GPR146: variants seen among roughly 807,000 people sequenced by gnomAD.
GPR146 encodes the protein G protein-coupled receptor 146, also known as G-protein coupled receptor 146.
For synonymous variants in GPR146, 203 were observed against 104.3 expected, an observed-to-expected ratio of 1.95 and a Z score of -5.77; for missense variants, 381 against 213.9, an observed-to-expected ratio of 1.78 and a Z score of -4.87.
rs76903021 is a variant in GPR146 at position 1,049,024 on chromosome 7, C to T, written c.-25+4366C>T. Among the ~76,000 whole-genome samples, 1,360 of 152,158 alleles carry T rather than the reference C, an allele frequency of 8.9e-3. 19 individuals carry two copies. The highest frequency in any genetic ancestry group is 0.031 in the African/African-American group (1,275 of 41,502). ...GCAAAGCCTCTGCAGTCTGAGCGTGCGCTCCCCAGGCCTCCGCTGTCTGAG... is the reference window on the plus strand; with the variant it reads ...GCAAAGCCTCTGCAGTCTGAGCGTGTGCTCCCCAGGCCTCCGCTGTCTGAG... On this transcript the variant is annotated intron_variant, in intron 1 of 1. Coordinates refer to ENST00000444847, the MANE Select transcript of GPR146 (RefSeq NM_001303473.2).
chr7:1,055,590 A>G, intron 1 of GPR146: 1 of 376,792 alleles, frequency 2.7e-6, no homozygotes. Context: ...GGTGGGAGAG[A>G]GGACGCAGGG....
Position 1,057,794 on chromosome 7 carries a change from G to T in GPR146, c.279G>T (p.Ala93=). The T allele has an allele frequency of 1.3e-6, 1 of 776,352 alleles. No individual in the cohort carries two copies. The allele number at this position is 776,352 out of a possible 1,614,324, so 48.1% of individuals were successfully genotyped here. The change falls in exon 2 of 2, where the codon GCG becomes GCT. Residue 93 remains alanine (A), a synonymous_variant. Transcript: ENST00000444847. The stretch of plus-strand genomic sequence containing the variant: ...TCGGCCCCCCGAGCTCCCGGTGGGC[G>T]CTGTGGAGTGTGGGCGGCGAAGTCC... ...HLLGPPSSRW[A]LWSVGGEVHV... is the part of the protein sequence containing the mutation.
At chr7:1,053,313 G>T (rs1045768864) in intron 1 of GPR146, among the ~76,000 whole-genome samples, 1 of 152,260 alleles carries the variant, frequency 6.6e-6, no homozygotes. Context: ...GCGACGGCGG[G>T]GGAGGGGCGT....
At chr7:1,046,259 GC>G (rs1435640494) in intron 1 of GPR146, among the ~76,000 whole-genome samples, 1 of 152,188 alleles carries the variant, frequency 6.6e-6, no homozygotes, top group African/African-American at 2.4e-5. Flanking sequence ...AAAAATAACT[GC>G]CGCCTGGCCT....
At chr7:1,053,960 C>A (rs931520647) in intron 1 of GPR146, among the ~76,000 whole-genome samples, 4 of 152,248 alleles carry the variant, frequency 2.6e-5, no homozygotes, top group Admixed American at 2.6e-4. Flanking sequence ...GTTCCTACCA[C>A]GAGCCAGAGA....
chr7:1,050,655 C>G (rs1056888577), intron 1 of GPR146, among the ~76,000 whole-genome samples: 7 of 152,192 alleles, frequency 4.6e-5, no homozygotes, highest in Non-Finnish European at 7.4e-5. Context: ...ACGCCGCAGC[C>G]TAGGAAGCAT....
At chr7:1,047,281 G>T (rs988410069) in intron 1 of GPR146, among the ~76,000 whole-genome samples, 2 of 152,182 alleles carry the variant, frequency 1.3e-5, no homozygotes, top group African/African-American at 2.4e-5. Flanking sequence ...AAACATGCTC[G>T]CTATTATCCA....
At chr7:1,051,407 G>T (rs1260125329) in intron 1 of GPR146, among the ~76,000 whole-genome samples, 3 of 152,250 alleles carry the variant, frequency 2.0e-5, no homozygotes, top group Non-Finnish European at 4.4e-5. Context: ...TTCCCGCACA[G>T]CGTGGGGAGC....
In GPR146 at chr7:1,048,919, A is replaced by C. The variant is rs551563448; in HGVS notation, c.-25+4261A>C. On this transcript the variant is annotated intron_variant, in intron 1 of 1. Coordinates refer to ENST00000444847, the MANE Select transcript of GPR146 (RefSeq NM_001303473.2). Reference sequence around the variant, plus strand: ...CCAGGGAAGCAAGTGTTTATACTCCAGTTTAGTACTAGTGAAACATCGGGA... The same window carrying C: ...CCAGGGAAGCAAGTGTTTATACTCCCGTTTAGTACTAGTGAAACATCGGGA... Among the ~76,000 whole-genome samples the C allele has an allele frequency of 2.7e-3, 407 of 152,362 alleles. 1 individual carries two copies. Among genetic ancestry groups the C allele is most frequent in the Non-Finnish European group, 4.2e-3 (284 of 68,028 alleles).
At position 1,058,785 on chromosome 7, in the gene GPR146, C is replaced by T. The variant is rs946230345; in HGVS notation, c.*268C>T. 1 of 489,508 alleles carries T rather than the reference C, an allele frequency of 2.0e-6. No homozygotes were observed. Among genetic ancestry groups the T allele is most frequent in the Non-Finnish European group, 3.7e-6 (1 of 268,164 alleles). The allele number at this position is 489,508 out of a possible 1,614,324, so 30.3% of individuals were successfully genotyped here. On this transcript the variant is annotated 3_prime_UTR_variant, in exon 2 of 2. Transcript: ENST00000444847. ...TCCACATCCGCAAAAGCCTCCTCGC[C>T]TTCAGCCTCCTCAGCATTCAGTTTG...
At chr7:1,045,920 A>G (rs1000450758) in intron 1 of GPR146, 1 of 152,254 alleles carries the variant, frequency 6.6e-6, no homozygotes, top group Admixed American at 6.5e-5. Context: ...TATCCTGAGG[A>G]TGGAGGACAG....
At chr7:1,053,757 G>A (rs563758324) in intron 1 of GPR146, among the ~76,000 whole-genome samples, 1 of 152,318 alleles carries the variant, frequency 6.6e-6, no homozygotes, top group African/African-American at 2.4e-5. Context: ...AACCCGGGAG[G>A]CGGAGGTTGC....
rs1020690247 is a variant in GPR146, at chr7:1,058,582, C to T, written c.*65C>T. On this transcript the variant is annotated 3_prime_UTR_variant, in exon 2 of 2. Transcript: ENST00000444847. The stretch of plus-strand genomic sequence containing the variant: ...GCAGAGCACTTAGTTACCCTGGACG[C>T]TCCCCACATCCTTCCAGAAGGAGAC... 17 of 676,498 alleles carry T rather than the reference C, an allele frequency of 2.5e-5. 1 individual carries two copies. The Admixed American group carries it at 3.1e-4, about 12-fold the overall frequency. The allele number at this position is 676,498 out of a possible 1,614,324, so 41.9% of individuals were successfully genotyped here.
chr7:1,058,700 G>A lies in GPR146; in HGVS notation c.*183G>A. 1.7e-6 allele frequency: 1 copy of A among 602,084 alleles called. No homozygotes were observed. Among genetic ancestry groups the A allele is most frequent in the Non-Finnish European group, 3.0e-6 (1 of 330,566 alleles). 37.3% of individuals were successfully genotyped at this position (602,084 alleles called of 1,614,324 possible). A position where few individuals can be genotyped will look rare whatever the true frequency, so the allele number is the denominator to read the frequency against. The stretch of plus-strand genomic sequence containing the variant: ...TTGGGCCAAGGCTGTGGTCCCCGTG[G>A]CTGGCATCTGGCTTGAGTCTCCCCG... On this transcript the variant is annotated 3_prime_UTR_variant, in exon 2 of 2. Transcript: ENST00000444847.
In GPR146 at chr7:1,058,371, T is replaced by G; in HGVS notation, c.856T>G (p.Phe286Val). 1.3e-6 allele frequency: 1 copy of G among 780,366 alleles called. No individual in the cohort carries two copies. The highest frequency in any genetic ancestry group is 2.4e-6 in the Non-Finnish European group (1 of 418,128). The allele number at this position is 780,366 out of a possible 1,614,324, so 48.3% of individuals were successfully genotyped here. Residue 286 changes from phenylalanine to valine, a missense_variant, in exon 2 of 2, where the codon TTC (phenylalanine) becomes GTC (valine). Phe to Val is a conservative substitution (Grantham distance 50, BLOSUM62 -1). Transcript: ENST00000444847. ...FVKDFSKLLA[F>V]SSSFVTPLLY... Reference sequence around the variant, plus strand: ...GAAGGATTTCTCCAAACTCCTGGCCTTCTCCAGCAGCTTTGTGACACCACT... The same window carrying G: ...GAAGGATTTCTCCAAACTCCTGGCCGTCTCCAGCAGCTTTGTGACACCACT...
chr7:1,049,678 A>G (rs1039459186), intron 1 of GPR146, among the ~76,000 whole-genome samples: 1 of 152,204 alleles, frequency 6.6e-6, no homozygotes, highest in Non-Finnish European at 1.5e-5. Context: ...CAGGCTTACT[A>G]CGAAGCCCTG....
At chr7:1,054,925 C>T (rs2128201498) in intron 1 of GPR146, among the ~76,000 whole-genome samples, 1 of 152,390 alleles carries the variant, frequency 6.6e-6, no homozygotes, top group South Asian at 2.1e-4. Flanking sequence ...CTTCGCTCGA[C>T]AGTAGACCCT....
intron 1 of GPR146, among the ~76,000 whole-genome samples, chr7:1,047,790 G>T (rs2280725): frequency 0.61 from 92,525 of 152,116 alleles, 28,999 homozygotes; most frequent in African/African-American, 0.75. Flanking sequence ...ACAACTGTCC[G>T]GGGACAATAA....
chr7:1,051,814 C>T lies in GPR146; in HGVS notation c.-24-5678C>T, dbSNP rs139030207. On this transcript the variant is annotated intron_variant, in intron 1 of 1. Coordinates refer to ENST00000444847, the MANE Select transcript of GPR146 (RefSeq NM_001303473.2). ...CATAGTGAGACCCTGTCTCAAAAAACGTTAAATGAAAACATTAGCCAGCTG... is the reference window on the plus strand; with the variant it reads ...CATAGTGAGACCCTGTCTCAAAAAATGTTAAATGAAAACATTAGCCAGCTG... Among the ~76,000 whole-genome samples the T allele has an allele frequency of 6.1e-4, 93 of 152,268 alleles. 1 individual carries two copies. The East Asian group carries it at 0.016, about 27-fold the overall frequency.
Sources: allele counts gnomAD v4.1 joint callset (sites outside exome capture counted in the v4.1 genomes callset), GRCh38; gene constraint gnomAD v4.1.1; transcripts MANE v1.5; gene names NCBI Gene and HGNC (gene_info 2026-07-23, HGNC 2026-07-21).